Variants in JPH2 observed in about 807,000 individuals in gnomAD.
JPH2 encodes junctophilin 2, also known as junctophilin-2.
JPH2 carries 38 observed loss-of-function variants against 55.9 expected under a neutral mutation model. The observed-to-expected ratio is 0.68, with a 90% CI of 0.52 to 0.89. The LOEUF (loss-of-function observed/expected upper bound fraction) is 0.89. JPH2 is among the 40% of genes least tolerant of loss of function. The pLI, the probability that JPH2 is intolerant of heterozygous loss-of-function variation, is 0.00. For missense variants in JPH2, 964 were observed against 1,037.6 expected, an observed-to-expected ratio of 0.93 and a Z score of 0.97; for synonymous variants, 480 against 472.4, an observed-to-expected ratio of 1.02 and a Z score of -0.21.
rs557878787 is a variant in JPH2, at chr20:44,118,580, C to A, written c.1213G>T (p.Ala405Ser). ...KAKAEAAEQA[A>S]LAANQESNIA... ...TTGGACTCCTGGTTGGCAGCCAGGG[C>A]GGCCTGTTCCGCTGCCTCAGCTTTG... Residue 405 changes from alanine to serine, a missense_variant, in exon 3 of 6, where the codon GCC becomes TCC. Ala to Ser is a moderately conservative substitution (Grantham distance 99). Transcript: ENST00000372980. The A allele has an allele frequency of 4.3e-6, 7 of 1,612,324 alleles. No homozygotes were observed. Among genetic ancestry groups the A allele is most frequent in the Non-Finnish European group, 5.9e-6 (7 of 1,180,020 alleles).
Position 44,109,458 on chromosome 20 carries a change from C to G in JPH2, c.*4060G>C, listed in dbSNP as rs1274014467. 6.6e-6 allele frequency among the ~76,000 whole-genome samples: 1 copy of G among 152,184 alleles called. No individual in the cohort carries two copies. Among genetic ancestry groups the G allele is most frequent in the East Asian group, 1.9e-4 (1 of 5,198 alleles). ...GGGACAGAGCCAAGATTTGAACCAG[C>G]AACCATGTTCTGAACCACACAGCTG... On this transcript the variant is annotated 3_prime_UTR_variant, in exon 6 of 6. Coordinates refer to ENST00000372980, the MANE Select transcript of JPH2 (RefSeq NM_020433.5).
chr20:44,154,559 C>G (rs1197861443), intron 2 of JPH2, among the ~76,000 whole-genome samples: 1 of 152,148 alleles, frequency 6.6e-6, no homozygotes, highest in Non-Finnish European at 1.5e-5. Flanking sequence ...ATCTTTCTCC[C>G]TTCTCTTAGA....
At chr20:44,140,045 G>A (rs1169400808) in intron 2 of JPH2, among the ~76,000 whole-genome samples, 2 of 152,116 alleles carry the variant, frequency 1.3e-5, no homozygotes, top group Non-Finnish European at 2.9e-5. Flanking sequence ...CTAATTTTCT[G>A]TATTTTTAGT....
chr20:44,160,225 G>C lies in JPH2; in HGVS notation c.562C>G (p.Pro188Ala). The C allele has an allele frequency of 6.7e-7, 1 of 1,483,742 alleles. No individual in the cohort carries two copies. The highest frequency in any genetic ancestry group is 1.3e-5 in the South Asian group (1 of 76,844). The allele number at this position is 1,483,742 out of a possible 1,614,324, so 91.9% of individuals were successfully genotyped here. The change falls in exon 2 of 6, where the codon CCC becomes GCC. Residue 188 changes from proline to alanine, a missense_variant. By Grantham distance (27) the Pro-to-Ala change is conservative (BLOSUM62 -1). Coordinates refer to ENST00000372980, the MANE Select transcript of JPH2 (RefSeq NM_020433.5). This position sits in a 1 kb window ranked among gnomAD's most constrained non-coding sequence, Gnocchi z 4.9. ...DSPASPASDG[P>A]ALPSPAIPRG... Reference sequence around the variant, plus strand: ...GGGATGGCGGGCGAGGGCAGCGCGGGGCCGTCGGAGGCCGGCGAGGCGGGA... The same window carrying C: ...GGGATGGCGGGCGAGGGCAGCGCGGCGCCGTCGGAGGCCGGCGAGGCGGGA...
At chr20:44,123,962 G>A (rs1264116726) in intron 2 of JPH2, among the ~76,000 whole-genome samples, 1 of 152,166 alleles carries the variant, frequency 6.6e-6, no homozygotes, top group East Asian at 1.9e-4. Flanking sequence ...AAGCATTCCT[G>A]CTCTGCTGAC....
chr20:44,136,502 T>C (rs2072414462), intron 2 of JPH2, among the ~76,000 whole-genome samples: 1 of 152,148 alleles, frequency 6.6e-6, no homozygotes. Flanking sequence ...GCGCACCTAC[T>C]AGATGCCCGG....
chr20:44,166,788 C>T (rs534954504), intron 1 of JPH2, among the ~76,000 whole-genome samples: 1 of 152,308 alleles, frequency 6.6e-6, no homozygotes, highest in Non-Finnish European at 1.5e-5. Context: ...CTGCCCATGG[C>T]CATCTGGCTG....
At chr20:44,179,513 G>T (rs565644791) in intron 1 of JPH2, among the ~76,000 whole-genome samples, 1 of 152,276 alleles carries the variant, frequency 6.6e-6, no homozygotes, top group African/African-American at 2.4e-5. Context: ...ATATTAACTA[G>T]TAGCCAGGCA....
intron 1 of JPH2, among the ~76,000 whole-genome samples, chr20:44,162,881 C>T (rs1157145774): frequency 6.7e-6 from 1 of 148,636 alleles, no homozygotes; most frequent in Non-Finnish European, 1.5e-5. Flanking sequence ...CTGTTTAAAA[C>T]TGCAATCTGC....
intron 1 of JPH2, among the ~76,000 whole-genome samples, chr20:44,183,801 C>T (rs533651792): frequency 2.0e-5 from 3 of 152,240 alleles, no homozygotes; most frequent in East Asian, 1.9e-4. Flanking sequence ...AATTATCCTG[C>T]GTCAGAAAGA....
At chr20:44,141,571 T>G (rs1050178436) in intron 2 of JPH2, among the ~76,000 whole-genome samples, 15 of 152,010 alleles carry the variant, frequency 9.9e-5, no homozygotes, top group Non-Finnish European at 1.9e-4. Context: ...TGCAGTGGTG[T>G]GATCATAGCT....
chr20:44,159,909 C>T lies in JPH2; in HGVS notation c.878G>A (p.Gly293Asp). Residue 293 changes from glycine (G) to aspartate (D), a missense_variant, in exon 2 of 6, where the codon GGC becomes GAC. Physicochemically the swap from Gly to Asp is moderately conservative, Grantham distance 94. Coordinates refer to ENST00000372980, the MANE Select transcript of JPH2 (RefSeq NM_020433.5). This position sits in a 1 kb window ranked among gnomAD's most constrained non-coding sequence, Gnocchi z 5.7. ...CGAGCGTTTGTCGTTCTTCCACTCG[C>T]CCATGTAGGTCTCGGTGGTGGTGGC... The part of the protein sequence containing the change: ...IDATTTETYM[G>D]EWKNDKRSGF... The T allele has an allele frequency of 6.2e-7, 1 of 1,612,936 alleles. No individual in the cohort carries two copies.
At chr20:44,128,254 A>G (rs1239652256) in intron 2 of JPH2, among the ~76,000 whole-genome samples, 1 of 152,168 alleles carries the variant, frequency 6.6e-6, no homozygotes, top group African/African-American at 2.4e-5. Context: ...TACTTCTACA[A>G]ACACTGTTTC....
intron 1 of JPH2, among the ~76,000 whole-genome samples, chr20:44,174,290 T>C (rs6124627): frequency 0.39 from 59,591 of 151,996 alleles, 12,586 homozygotes; most frequent in Admixed American, 0.55. Flanking sequence ...GCTCTTTCAA[T>C]GCTGCCTTGC....
At position 44,110,783 on chromosome 20, in the gene JPH2, T is replaced by C. The variant is rs561680212; in HGVS notation, c.*2735A>G. ...ATCTCATTTGAGCCTCACAACTGCATTGCCTATGAGGAAGACCATGGGGCA... is the reference window on the plus strand; with the variant it reads ...ATCTCATTTGAGCCTCACAACTGCACTGCCTATGAGGAAGACCATGGGGCA... On this transcript the variant is annotated 3_prime_UTR_variant, in exon 6 of 6. Transcript: ENST00000372980. 1.3e-5 allele frequency among the ~76,000 whole-genome samples: 2 copies of C among 152,230 alleles called. No individual in the cohort carries two copies. Among genetic ancestry groups the C allele is most frequent in the African/African-American group, 4.8e-5 (2 of 41,544 alleles).
At chr20:44,137,619 G>GA (rs2072423737) in intron 2 of JPH2, among the ~76,000 whole-genome samples, 1 of 152,234 alleles carries the variant, frequency 6.6e-6, no homozygotes, top group Non-Finnish European at 1.5e-5. Flanking sequence ...AGGCGGGGCC[G>GA]AACCCAGCCT....
In JPH2 at chr20:44,185,564, G is replaced by T. The variant is rs1300907153; in HGVS notation, c.379+763C>A. Among the ~76,000 whole-genome samples the T allele has an allele frequency of 4.6e-5, 7 of 151,888 alleles. No individual in the cohort carries two copies. In the South Asian group the frequency reaches 1.5e-3, roughly 32 times the overall value. On this transcript the variant is annotated intron_variant, in intron 1 of 5. Coordinates refer to ENST00000372980, the MANE Select transcript of JPH2 (RefSeq NM_020433.5). Reference sequence around the variant, plus strand: ...GTTGGTGGACCACTTGATCCTGGGAGATCAAGGCTGCAAAGAGCCGAGATC... The same window carrying T: ...GTTGGTGGACCACTTGATCCTGGGATATCAAGGCTGCAAAGAGCCGAGATC...
intron 1 of JPH2, among the ~76,000 whole-genome samples, chr20:44,175,431 A>T (rs1310009146): frequency 1.3e-5 from 2 of 152,228 alleles, no homozygotes; most frequent in African/African-American, 4.8e-5. Context: ...TTTTTCCCGT[A>T]ACAATCCCAA....
chr20:44,175,646 C>T (rs907628962), intron 1 of JPH2, among the ~76,000 whole-genome samples: 8 of 152,198 alleles, frequency 5.3e-5, no homozygotes, highest in Admixed American at 1.3e-4. Flanking sequence ...TCCCTGAGCC[C>T]GCAAGGCTCC....
Sources: allele counts gnomAD v4.1 joint callset (sites outside exome capture counted in the v4.1 genomes callset), GRCh38; gene constraint gnomAD v4.1.1; non-coding constraint Gnocchi (gnomAD v3.1); transcripts MANE v1.5; gene names NCBI Gene and HGNC (gene_info 2026-07-23, HGNC 2026-07-21).